Variants in IGSF21 observed in about 807,000 individuals in gnomAD.
IGSF21 encodes the protein immunoglobin superfamily member 21, also known as immunoglobulin superfamily member 21.
A neutral mutation model predicts 46.8 loss-of-function variants in IGSF21; 28 were observed. The observed-to-expected ratio is 0.60, with a 90% CI of 0.44 to 0.82. The LOEUF (loss-of-function observed/expected upper bound fraction) is 0.82, where lower values mean the gene tolerates loss of function less well. Among genes scored for constraint, IGSF21 ranks in the 40% least tolerant of loss-of-function variants. The probability of loss-of-function intolerance (pLI) is 0.00; values close to 1 mark genes in which losing one functional copy is unlikely to be tolerated. For missense variants in IGSF21, 624 were observed against 665.5 expected (o/e 0.94, Z 0.69); for synonymous variants, 284 against 273.6 (o/e 1.04, Z -0.38).
intron 3 of IGSF21, among the ~76,000 whole-genome samples, chr1:18,305,240 C>T (rs72936967): frequency 0.016 from 2,167 of 134,296 alleles, 57 homozygotes; most frequent in African/African-American, 0.059. Flanking sequence ...ATGGATGAAT[C>T]GATGGATGGA....
At chr1:18,248,921 A>G (rs555011306) in intron 2 of IGSF21, among the ~76,000 whole-genome samples, 18 of 152,172 alleles carry the variant, frequency 1.2e-4, no homozygotes, top group African/African-American at 4.1e-4. Context: ...GCCAGACTCG[A>G]GTGGTCAAGG....
At chr1:18,248,125 A>G (rs1194624788) in intron 2 of IGSF21, among the ~76,000 whole-genome samples, 2 of 152,250 alleles carry the variant, frequency 1.3e-5, no homozygotes, top group African/African-American at 4.8e-5. Context: ...TGCACGTAAC[A>G]CCACCAAAGG....
intron 2 of IGSF21, among the ~76,000 whole-genome samples, chr1:18,237,270 T>C (rs1207100148): frequency 6.6e-6 from 1 of 152,154 alleles, no homozygotes; most frequent in Non-Finnish European, 1.5e-5. Flanking sequence ...ATTAACTCAG[T>C]GGCCTTGGAT....
chr1:18,131,069 C>G (rs993272828), intron 1 of IGSF21, among the ~76,000 whole-genome samples: 5 of 152,368 alleles, frequency 3.3e-5, no homozygotes, highest in Non-Finnish European at 7.3e-5. Context: ...CTCATTTCCT[C>G]TATCCAGGGA....
intron 1 of IGSF21, among the ~76,000 whole-genome samples, chr1:18,196,378 A>T (rs1338855663): frequency 6.6e-6 from 1 of 152,078 alleles, no homozygotes; most frequent in African/African-American, 2.4e-5. Context: ...AATGGCAGGG[A>T]GGAGAGGCCA....
At chr1:18,235,474 A>C (rs2084664143) in intron 2 of IGSF21, among the ~76,000 whole-genome samples, 1 of 152,240 alleles carries the variant, frequency 6.6e-6, no homozygotes, top group Non-Finnish European at 1.5e-5. Context: ...TGTGGTCAGG[A>C]AAAGACATTT....
In IGSF21 at chr1:18,248,595, G is replaced by A. The variant is rs150923442; in HGVS notation, c.183+20585G>A. Reference sequence around the variant, plus strand: ...TCAATGTGTTCACTTCATGCCTGCCGTGGTGCTTAAGACACAGATATTGAT... The same window carrying A: ...TCAATGTGTTCACTTCATGCCTGCCATGGTGCTTAAGACACAGATATTGAT... On this transcript the variant is annotated intron_variant, in intron 2 of 9. Transcript: ENST00000251296. Among the ~76,000 whole-genome samples, 251 of 152,260 alleles carry A rather than the reference G, an allele frequency of 1.6e-3. 1 individual carries two copies. Among genetic ancestry groups the A allele is most frequent in the African/African-American group, 5.5e-3 (227 of 41,556 alleles).
chr1:18,300,882 C>G (rs223164), intron 3 of IGSF21, among the ~76,000 whole-genome samples: 20,926 of 152,168 alleles, frequency 0.14, 2,227 homozygotes, highest in African/African-American at 0.3. Context: ...CTGCAGGAAT[C>G]TGCTCTCAGC....
chr1:18,245,172 C>T (rs1481921431), intron 2 of IGSF21, among the ~76,000 whole-genome samples: 2 of 152,168 alleles, frequency 1.3e-5, no homozygotes, highest in Admixed American at 6.5e-5. Flanking sequence ...GCATATGATA[C>T]TTCCTGCTGG....
In IGSF21 at chr1:18,160,449, C is replaced by T. The variant is rs150496744; in HGVS notation, c.70+52251C>T. Among the ~76,000 whole-genome samples the T allele has an allele frequency of 4.1e-3, 622 of 152,302 alleles. 3 individuals carry two copies. Among genetic ancestry groups the T allele is most frequent in the Middle Eastern group, 0.017 (5 of 294 alleles). Reference sequence around the variant, plus strand: ...TAGTTAGATTTCCTATAATGGCAGGCGGTGAGCTCTCCTGGGTGTGGCTTC... The same window carrying T: ...TAGTTAGATTTCCTATAATGGCAGGTGGTGAGCTCTCCTGGGTGTGGCTTC... On this transcript the variant is annotated intron_variant, in intron 1 of 9. Transcript: ENST00000251296.
intron 2 of IGSF21, among the ~76,000 whole-genome samples, chr1:18,268,653 T>A (rs1315046142): frequency 6.6e-6 from 1 of 151,886 alleles, no homozygotes; most frequent in Non-Finnish European, 1.5e-5. Flanking sequence ...GCCTTGGGAG[T>A]GGGGGAAGTT....
intron 3 of IGSF21, among the ~76,000 whole-genome samples, chr1:18,301,465 G>T (rs572715150): frequency 6.6e-6 from 1 of 152,042 alleles, no homozygotes; most frequent in East Asian, 1.9e-4. Context: ...TCAGCCTCCC[G>T]AGTAGCTGGG....
At chr1:18,373,448 G>A (rs1163913043) in intron 6 of IGSF21, among the ~76,000 whole-genome samples, 2 of 152,180 alleles carry the variant, frequency 1.3e-5, no homozygotes, top group Non-Finnish European at 2.9e-5. Context: ...TGAGGAGGCT[G>A]ACAGCAGCAG....
Position 18,227,980 on chromosome 1 carries a change from T to C in IGSF21, c.153T>C (p.Asp51=). ...AVTLKCNFKT[D]GRMREIVWYR... is the part of the protein sequence containing the mutation. The stretch of plus-strand genomic sequence containing the variant: ...CTTTGAAGTGTAACTTCAAGACAGA[T>C]GGGCGCATGCGGGAGATCGTGTGGT... Residue 51 remains aspartate, a synonymous_variant, in exon 2 of 10, where the codon GAT becomes GAC. Transcript: ENST00000251296. 6.2e-7 allele frequency: 1 copy of C among 1,614,026 alleles called. No individual in the cohort carries two copies. The highest frequency in any genetic ancestry group is 2.2e-5 in the East Asian group (1 of 44,854).
Position 18,108,105 on chromosome 1 carries a change from C to A in IGSF21, c.-24C>A. ...ACCGCCTCCACCCCCGCCGCCCCGC[C>A]ACCGCCGCCAGCTCCCGGGCACCAT... is the stretch of plus-strand genomic sequence containing the variant. On this transcript the variant is annotated 5_prime_UTR_variant, in exon 1 of 10. Coordinates refer to ENST00000251296, the MANE Select transcript of IGSF21 (RefSeq NM_032880.5). 8.1e-7 allele frequency: 1 copy of A among 1,241,012 alleles called. No homozygotes were observed. Among genetic ancestry groups the A allele is most frequent in the Non-Finnish European group, 1.1e-6 (1 of 938,090 alleles). The allele number at this position is 1,241,012 out of a possible 1,614,324, so 76.9% of individuals were successfully genotyped here.
intron 3 of IGSF21, 31 bp downstream of exon 3, chr1:18,292,018 GGGGGAA>G (rs1557628405): frequency 6.2e-7 from 1 of 1,607,278 alleles, no homozygotes. Context: ...GGCCGACAGC[GGGGGAA>G]GGGCGGAGGG....
rs138334842 is a variant in IGSF21 at position 18,283,394 on chromosome 1, T to C, written c.184-8472T>C. Among the ~76,000 whole-genome samples, 150 of 152,164 alleles carry C rather than the reference T, an allele frequency of 9.9e-4. No homozygotes were observed. In the South Asian group the frequency reaches 0.017, roughly 17 times the overall value. The stretch of plus-strand genomic sequence containing the variant: ...TCTTCTTGTCTTTGGGCATCTGGTA[T>C]CCTCTTCCCCCAGGCCCCCTTGGGG... On this transcript the variant is annotated intron_variant, in intron 2 of 9. Coordinates refer to ENST00000251296, the MANE Select transcript of IGSF21 (RefSeq NM_032880.5).
chr1:18,350,729 GA>G, intron 4 of IGSF21, among the ~76,000 whole-genome samples: 1 of 152,158 alleles, frequency 6.6e-6, no homozygotes, highest in Admixed American at 6.5e-5. Flanking sequence ...ATCTCCCCTG[GA>G]AATTGCTTTA....
At chr1:18,210,533 G>T (rs561165070) in intron 1 of IGSF21, among the ~76,000 whole-genome samples, 1 of 152,244 alleles carries the variant, frequency 6.6e-6, no homozygotes, top group African/African-American at 2.4e-5. Context: ...TTCGACGGCC[G>T]GTCCTGGTGT....
Sources: gnomAD v4.1 joint callset for allele counts (sites outside exome capture counted in the v4.1 genomes callset) on GRCh38, gnomAD v4.1.1 for gene constraint, MANE v1.5 for transcripts, NCBI Gene and HGNC (gene_info 2026-07-23, HGNC 2026-07-21) for gene names.